The following FLT3LG variants were observed in gnomAD, a reference collection of about 807,000 sequenced individuals.
FLT3LG encodes the protein fms-related tyrosine kinase 3 ligand.
A neutral mutation model predicts 30.9 loss-of-function variants in FLT3LG; 8 were observed. The ratio of observed to expected loss-of-function variants is 0.26; its 90% CI spans 0.15 to 0.47. The LOEUF is 0.47. FLT3LG is among the 20% of genes least tolerant of loss of function. The pLI is 0.99. For synonymous variants in FLT3LG, 123 were observed against 135.9 expected (o/e 0.91, Z 0.66); for missense variants, 278 against 306.2 (o/e 0.91, Z 0.69).
Position 49,476,281 on chromosome 19 carries a change from C to G in FLT3LG, c.198+83C>G. On this transcript the variant is annotated intron_variant, in intron 4 of 8. Coordinates refer to ENST00000597551, the MANE Select transcript of FLT3LG (RefSeq NM_001459.4). This position sits in a 1 kb window ranked among gnomAD's most constrained non-coding sequence, Gnocchi z 5.3. Reference sequence around the variant, plus strand: ...CCACCGAGGCGAGTGGATAACCAGGCCCTCCCCTCCCCAAACCCAGGAATC... The same window carrying G: ...CCACCGAGGCGAGTGGATAACCAGGGCCTCCCCTCCCCAAACCCAGGAATC... 1 of 1,429,644 alleles carries G rather than the reference C, an allele frequency of 7.0e-7. No individual in the cohort carries two copies. The highest frequency in any genetic ancestry group is 9.8e-7 in the Non-Finnish European group (1 of 1,019,960). 88.6% of individuals were successfully genotyped at this position (1,429,644 alleles called of 1,614,324 possible). A position where few individuals can be genotyped will look rare whatever the true frequency, so the allele number is the denominator to read the frequency against.
In FLT3LG at chr19:49,478,287, G is replaced by GA. The variant is rs2079467446; in HGVS notation, c.343-619dup. Reference sequence around the variant, plus strand: ...TCAAGACCATCCTGGCTAACACAATGAAACCCCATCTCTACTAAAAATACA... The same window carrying GA: ...TCAAGACCATCCTGGCTAACACAATGAAAACCCCATCTCTACTAAAAATACA... On this transcript the variant is annotated intron_variant, in intron 5 of 8. Transcript: ENST00000597551. 3.9e-5 allele frequency among the ~76,000 whole-genome samples: 6 copies of GA among 151,980 alleles called. No individual in the cohort carries two copies. In the South Asian group the frequency reaches 1.2e-3, roughly 32 times the overall value.
chr19:49,475,741 G>A lies in FLT3LG; in HGVS notation c.84G>A (p.Gln28=), dbSNP rs2079370609. The A allele has an allele frequency of 6.2e-7, 1 of 1,611,900 alleles. No individual in the cohort carries two copies. Among genetic ancestry groups the A allele is most frequent in the Admixed American group, 1.7e-5 (1 of 59,978 alleles). The change falls in exon 3 of 9, where the codon CAG becomes CAA. Residue 28 remains glutamine, a synonymous_variant. Coordinates refer to ENST00000597551, the MANE Select transcript of FLT3LG (RefSeq NM_001459.4). ...TGAGCTCGGGACTCAGTGGGACCCA[G>A]GACTGCTCCTTCCAACACAGCCCCA... ...LLLSSGLSGT[Q]DCSFQHSPIS...
intron 6 of FLT3LG, chr19:49,479,794 C>A (rs2079537310): frequency 6.5e-6 from 1 of 154,986 alleles, no homozygotes; most frequent in Admixed American, 6.5e-5. Flanking sequence ...ATGTGAGCCA[C>A]CGCGCCCAGC....
At chr19:49,475,391 G>A (rs949802671) in intron 2 of FLT3LG, among the ~76,000 whole-genome samples, 18 of 151,494 alleles carry the variant, frequency 1.2e-4, no homozygotes, top group Admixed American at 3.3e-4. Context: ...GGAGGAACCC[G>A]GGCGAGGAAA....
Position 49,476,545 on chromosome 19 carries a change from T to C in FLT3LG, c.321T>C (p.Phe107=). 2.5e-6 allele frequency: 4 copies of C among 1,614,158 alleles called. No individual in the cohort carries two copies. Among genetic ancestry groups the C allele is most frequent in the Non-Finnish European group, 3.4e-6 (4 of 1,180,018 alleles). Residue 107 remains phenylalanine, a synonymous_variant, in exon 5 of 9, where the codon TTT becomes TTC. Coordinates refer to ENST00000597551, the MANE Select transcript of FLT3LG (RefSeq NM_001459.4). The surrounding 1 kb of genome is among the most constrained non-coding windows in gnomAD (Gnocchi z 5.3). ...LLERVNTEIH[F]VTKCAFQPPP... ...AGCGCGTGAACACGGAGATACACTT[T>C]GTCACCAAATGTGCCTTTCAGGTCA...
intron 8 of FLT3LG, among the ~76,000 whole-genome samples, chr19:49,485,707 G>A (rs8110031): frequency 0.022 from 3,369 of 152,114 alleles, 130 homozygotes; most frequent in African/African-American, 0.077. Context: ...TAGTAGAGAT[G>A]GGGTTTCTCC....
At position 49,476,328 on chromosome 19, in the gene FLT3LG, C is replaced by G. The variant is rs2079391962; in HGVS notation, c.199-95C>G. 3 of 1,496,550 alleles carry G rather than the reference C, an allele frequency of 2.0e-6. No homozygotes were observed. The highest frequency in any genetic ancestry group is 2.8e-6 in the Non-Finnish European group (3 of 1,083,958). The allele number at this position is 1,496,550 out of a possible 1,614,324, so 92.7% of individuals were successfully genotyped here. Reference sequence around the variant, plus strand: ...AATCAGAGTCCTCAGCCCCTCCTCCCTCAGACCCAGGAGCCCCGGCCCAGC... The same window carrying G: ...AATCAGAGTCCTCAGCCCCTCCTCCGTCAGACCCAGGAGCCCCGGCCCAGC... On this transcript the variant is annotated intron_variant, in intron 4 of 8. Transcript: ENST00000597551. The surrounding 1 kb of genome is among the most constrained non-coding windows in gnomAD (Gnocchi z 5.3).
chr19:49,481,857 A>C (rs1049080586), intron 8 of FLT3LG: 1 of 151,204 alleles, frequency 6.6e-6, no homozygotes, highest in Non-Finnish European at 1.5e-5. Flanking sequence ...ATGCCTGGCT[A>C]ATTTTTTGTA....
At chr19:49,474,576 G>A (rs988533285) in intron 1 of FLT3LG, 27 bp from the exon 2 acceptor site, 37 of 1,570,234 alleles carry the variant, frequency 2.4e-5, no homozygotes, top group African/African-American at 4.0e-5. Flanking sequence ...ATGAGGGTCC[G>A]AGACTTGTTC....
intron 8 of FLT3LG, 54 bp downstream of exon 8, chr19:49,480,674 G>T: frequency 2.0e-6 from 3 of 1,531,748 alleles, no homozygotes; most frequent in Non-Finnish European, 1.8e-6. Flanking sequence ...GGTTGGGAGG[G>T]TCACTAGGAG....
At chr19:49,485,248 C>CTTT (rs55877586) in intron 8 of FLT3LG, among the ~76,000 whole-genome samples, 5 of 121,848 alleles carry the variant, frequency 4.1e-5, no homozygotes, top group Non-Finnish European at 4.9e-5. Flanking sequence ...TCTTTTTTTT[C>CTTT]TTTTTTTTTT....
At chr19:49,483,228 C>T (rs1287493542) in intron 8 of FLT3LG, among the ~76,000 whole-genome samples, 2 of 151,792 alleles carry the variant, frequency 1.3e-5, no homozygotes, top group Non-Finnish European at 2.9e-5. Context: ...CTGGTTCAGG[C>T]GATTCTCCTG....
intron 8 of FLT3LG, among the ~76,000 whole-genome samples, chr19:49,482,587 T>C (rs2079650545): frequency 6.6e-6 from 1 of 151,800 alleles, no homozygotes; most frequent in South Asian, 2.1e-4. Context: ...GGAAACGGCA[T>C]GTGAGCCACC....
Position 49,479,004 on chromosome 19 carries a change from T to G in FLT3LG, c.438T>G (p.Thr146=). 6.2e-7 allele frequency: 1 copy of G among 1,607,178 alleles called. No homozygotes were observed. The highest frequency in any genetic ancestry group is 8.5e-7 in the Non-Finnish European group (1 of 1,176,940). ...TGGTGGCGCTGAAGCCCTGGATCAC[T>G]CGCCAGAACTTCTCCCGGTGCCTGG... ...EQLVALKPWI[T]RQNFSRCLEL... The change falls in exon 6 of 9, where the codon ACT becomes ACG. Residue 146 remains threonine, a synonymous_variant. Transcript: ENST00000597551.
chr19:49,477,790 G>A (rs1045090347), intron 5 of FLT3LG, among the ~76,000 whole-genome samples: 1 of 152,176 alleles, frequency 6.6e-6, no homozygotes, highest in Non-Finnish European at 1.5e-5. Context: ...GCTCACGCCT[G>A]TAATCCCAGC....
rs1198359057 is a variant in FLT3LG, at chr19:49,474,581, T to G, written c.-37-22T>G. On this transcript the variant is annotated intron_variant, in intron 1 of 8. Coordinates refer to ENST00000597551, the MANE Select transcript of FLT3LG (RefSeq NM_001459.4). ...GGGCTGGGGCATGAGGGTCCGAGAC[T>G]TGTTCTTCTGTCCCTTCCAAGACCC... 2.5e-6 allele frequency: 4 copies of G among 1,586,700 alleles called. No homozygotes were observed. The African/African-American group carries it at 5.4e-5, about 21-fold the overall frequency.
chr19:49,474,544 C>T (rs932220758), intron 1 of FLT3LG, 59 bp from the exon 2 acceptor site: 7 of 900,286 alleles, frequency 7.8e-6, no homozygotes, highest in Non-Finnish European at 7.3e-6. Context: ...GGCAAAGGGG[C>T]GGGCAGGGCA....
Position 49,476,440 on chromosome 19 carries a change from C to G in FLT3LG, c.216C>G (p.Gly72=), listed in dbSNP as rs1463648878. ...CCCTCTAGGAGGAGCTCTGCGGGGG[C>G]CTCTGGCGGCTGGTCCTGGCACAGC... ...SNLQDEELCG[G]LWRLVLAQRW... is the part of the protein sequence containing the mutation. The change falls in exon 5 of 9, where the codon GGC becomes GGG. Residue 72 remains glycine (G), a synonymous_variant. Coordinates refer to ENST00000597551, the MANE Select transcript of FLT3LG (RefSeq NM_001459.4). The surrounding 1 kb of genome is among the most constrained non-coding windows in gnomAD (Gnocchi z 5.3). The G allele has an allele frequency of 1.9e-6, 3 of 1,613,474 alleles. No homozygotes were observed. In the African/African-American group the frequency reaches 4.0e-5, roughly 22 times the overall value.
chr19:49,480,107 T>TTGTGA, intron 6 of FLT3LG, among the ~76,000 whole-genome samples, 191 bp from the exon 7 acceptor site: 1 of 152,186 alleles, frequency 6.6e-6, no homozygotes, highest in Non-Finnish European at 1.5e-5. Context: ...CTCAGCCTAT[T>TTGTGA]CACTCATTTA....
Sources: allele counts gnomAD v4.1 joint callset (sites outside exome capture counted in the v4.1 genomes callset), GRCh38; gene constraint gnomAD v4.1.1; non-coding constraint Gnocchi (gnomAD v3.1); transcripts MANE v1.5; gene names NCBI Gene and HGNC (gene_info 2026-07-23, HGNC 2026-07-21).